The following TMPRSS7 variants were observed in gnomAD, a reference collection of about 807,000 sequenced individuals.
TMPRSS7 encodes transmembrane protease serine 7.
TMPRSS7 carries 81 observed loss-of-function variants against 95.6 expected under a neutral mutation model. The observed-to-expected ratio is 0.85, with a 90% CI of 0.71 to 1.02. The LOEUF is 1.02. Ranked by LOEUF, TMPRSS7 falls within the 50% of genes least tolerant of loss-of-function variation. The pLI is 0.00. For missense variants in TMPRSS7, 945 were observed against 955.2 expected (o/e 0.99, Z 0.14); for synonymous variants, 364 against 337.8 (o/e 1.08, Z -0.85).
At chr3:112,066,485 A>G (rs762688119) in exon 13 of TMPRSS7, 13 of 1,613,882 alleles carry the variant, frequency 8.1e-6, no homozygotes, top group Non-Finnish European at 1.1e-5. Context: ...GGCCGGGATG[A>G]GCAAAACTGC....
intron 9 of TMPRSS7, among the ~76,000 whole-genome samples, chr3:112,052,328 G>A (rs56071730): frequency 0.21 from 31,460 of 151,898 alleles, 3,819 homozygotes; most frequent in Middle Eastern, 0.29. Context: ...GAACAGCTGA[G>A]CCAGGGACTC....
chr3:112,035,948 T>TGGCTGGCAATGGCAGC (rs1286526646), intron 1 of TMPRSS7, among the ~76,000 whole-genome samples: 3 of 152,210 alleles, frequency 2.0e-5, no homozygotes, highest in Admixed American at 6.5e-5. Context: ...TGAGAAACTG[T>TGGCTGGCAATGGCAGC]GGCTGGCAAT....
Position 112,074,418 on chromosome 3 carries a change from T to G in TMPRSS7, c.1783+6T>G. On this transcript the variant is annotated splice_donor_region_variant and intron_variant, in intron 14 of 17. Transcript: ENST00000452346. ...AAGTGATGAAGAAGGCTGCAGTAAG[T>G]AGAAATTCATTCCTTTGGGTTCCTG... The G allele has an allele frequency of 6.3e-7, 1 of 1,591,576 alleles. No individual in the cohort carries two copies. Among genetic ancestry groups the G allele is most frequent in the Non-Finnish European group, 8.6e-7 (1 of 1,160,984 alleles).
intron 3 of TMPRSS7, chr3:112,043,003 G>A (rs1167917270): frequency 2.2e-6 from 1 of 455,616 alleles, no homozygotes; most frequent in Non-Finnish European, 4.4e-6. Flanking sequence ...GAGAGAGAGG[G>A]CACATCAAAG....
chr3:112,047,507 C>A, intron 6 of TMPRSS7: 2 of 639,970 alleles, frequency 3.1e-6, no homozygotes, highest in Admixed American at 4.2e-5. Context: ...ATGTGCCCAC[C>A]TCTGAAACTA....
intron 6 of TMPRSS7, among the ~76,000 whole-genome samples, 175 bp downstream of exon 6, chr3:112,047,187 C>G (rs1358043219): frequency 6.6e-6 from 1 of 152,170 alleles, no homozygotes; most frequent in Non-Finnish European, 1.5e-5. Flanking sequence ...GTGGGACATA[C>G]ATGGAGTGTG....
intron 11 of TMPRSS7, among the ~76,000 whole-genome samples, chr3:112,063,270 T>C (rs1417404236): frequency 1.3e-5 from 2 of 152,328 alleles, no homozygotes; most frequent in Non-Finnish European, 2.9e-5. Flanking sequence ...TAGTAGAAGT[T>C]TGCTTGTGCA....
chr3:112,076,294 G>A (rs2073709623), intron 15 of TMPRSS7, among the ~76,000 whole-genome samples: 1 of 152,158 alleles, frequency 6.6e-6, no homozygotes, highest in African/African-American at 2.4e-5. Context: ...GCAAGGTCAT[G>A]GAGGTCAAGA....
chr3:112,039,124 A>G (rs2073180834), intron 2 of TMPRSS7, among the ~76,000 whole-genome samples: 2 of 152,134 alleles, frequency 1.3e-5, no homozygotes, highest in African/African-American at 2.4e-5. Flanking sequence ...ATCCTTTTGG[A>G]CAGGTGTCAT....
intron 13 of TMPRSS7, among the ~76,000 whole-genome samples, chr3:112,072,877 C>T (rs768610129): frequency 2.0e-5 from 3 of 152,236 alleles, no homozygotes; most frequent in Non-Finnish European, 4.4e-5. Context: ...AATAGACATA[C>T]GTGTGCATGT....
chr3:112,047,652 C>A, intron 6 of TMPRSS7, 87 bp from the exon 7 acceptor site: 1 of 1,045,692 alleles, frequency 9.6e-7, no homozygotes, highest in South Asian at 1.6e-5. Flanking sequence ...CCTCTTTTGC[C>A]CTTTACTTTT....
chr3:112,047,887 A>G lies in TMPRSS7; in HGVS notation c.879A>G (p.Gln293=), dbSNP rs200785951. The change falls in exon 7 of 18, where the codon CAA becomes CAG. Residue 293 remains glutamine (Q), a synonymous_variant. Coordinates refer to ENST00000452346, the Ensembl canonical transcript of TMPRSS7. ...TTCGTCTCTCAATCAAGTCCATCCAAATCGAAGCCGACAACTGTGTCACTG... is the reference window on the plus strand; with the variant it reads ...TTCGTCTCTCAATCAAGTCCATCCAGATCGAAGCCGACAACTGTGTCACTG... 56 of 1,613,972 alleles carry G rather than the reference A, an allele frequency of 3.5e-5. No homozygotes were observed. In the African/African-American group the frequency reaches 6.8e-4, roughly 20 times the overall value.
intron 9 of TMPRSS7, among the ~76,000 whole-genome samples, chr3:112,056,287 C>G (rs916693583): frequency 1.3e-4 from 20 of 152,274 alleles, no homozygotes; most frequent in Non-Finnish European, 2.4e-4. Flanking sequence ...AAATGATACT[C>G]TTATTCAACT....
At chr3:112,059,935 A>T (rs888602149) in intron 10 of TMPRSS7, among the ~76,000 whole-genome samples, 2 of 152,156 alleles carry the variant, frequency 1.3e-5, no homozygotes, top group Non-Finnish European at 2.9e-5. Flanking sequence ...GTCATTACCT[A>T]TTGGGGAACC....
At chr3:112,051,519 CTAT>C (rs2073348813) in intron 9 of TMPRSS7, among the ~76,000 whole-genome samples, 1 of 1,190 alleles carries the variant, frequency 8.4e-4, no homozygotes, top group Non-Finnish European at 2.2e-3. Context: ...TACGAAATAT[CTAT>C]CTATCTATCT....
At chr3:112,076,016 C>A (rs990556963) in intron 15 of TMPRSS7, among the ~76,000 whole-genome samples, 1 of 151,910 alleles carries the variant, frequency 6.6e-6, no homozygotes, top group Non-Finnish European at 1.5e-5. Flanking sequence ...ATTTGTTTCC[C>A]TGAAAATTAT....
At chr3:112,037,042 G>T (rs570565649) in intron 1 of TMPRSS7, among the ~76,000 whole-genome samples, 10 of 152,066 alleles carry the variant, frequency 6.6e-5, no homozygotes, top group Non-Finnish European at 1.5e-4. Context: ...TGATGATTGC[G>T]TTAACTGCAC....
chr3:112,078,375 G>A (rs183562725), intron 16 of TMPRSS7, among the ~76,000 whole-genome samples: 2 of 152,316 alleles, frequency 1.3e-5, no homozygotes, highest in African/African-American at 2.4e-5. Flanking sequence ...CCATATATCA[G>A]TTATGCTGCT....
intron 12 of TMPRSS7, among the ~76,000 whole-genome samples, chr3:112,065,146 TCCTC>T (rs1208805475): frequency 6.6e-6 from 1 of 152,134 alleles, no homozygotes; most frequent in Non-Finnish European, 1.5e-5. Flanking sequence ...GCTCAAGGGA[TCCTC>T]CCTCCTCAGC....
Sources: gnomAD v4.1 joint callset for allele counts (sites outside exome capture counted in the v4.1 genomes callset) on GRCh38, gnomAD v4.1.1 for gene constraint, MANE v1.5 for transcripts, NCBI Gene and HGNC (gene_info 2026-07-23, HGNC 2026-07-21) for gene names.